Variants in SPAG17 observed in about 807,000 individuals in gnomAD.
The protein encoded by SPAG17 is sperm associated antigen 17, also known as sperm-associated antigen 17.
A neutral mutation model predicts 273.6 loss-of-function variants in SPAG17; 169 were observed. The ratio of observed to expected loss-of-function variants is 0.62; its 90% CI spans 0.55 to 0.70. The LOEUF (loss-of-function observed/expected upper bound fraction) is 0.70, where lower values mean the gene tolerates loss of function less well. Ranked by LOEUF, SPAG17 falls within the 30% of genes least tolerant of loss-of-function variation. SPAG17 has a pLI of 0.00. For missense variants in SPAG17, 2,557 were observed against 2,627.8 expected, an observed-to-expected ratio of 0.97 and a Z score of 0.59; for synonymous variants, 825 against 873.2, an observed-to-expected ratio of 0.94 and a Z score of 0.97.
intron 4 of SPAG17, 136 bp from the exon 5 acceptor site, chr1:118,102,062 T>A (rs1207226223): frequency 1.3e-6 from 1 of 766,994 alleles, no homozygotes. Flanking sequence ...ATTATATAAG[T>A]CAGCATAGTG....
Position 118,003,600 on chromosome 1 carries a change from C to T in SPAG17, c.4776+1814G>A, listed in dbSNP as rs145745893. ...ACTTATACCCTTTCTTCCACTTGATCAAATCAGCTATTGAAGCTTGTGCAT... is the reference window on the plus strand; with the variant it reads ...ACTTATACCCTTTCTTCCACTTGATTAAATCAGCTATTGAAGCTTGTGCAT... On this transcript the variant is annotated intron_variant, in intron 32 of 48. Transcript: ENST00000336338. Among the ~76,000 whole-genome samples, 147 of 152,260 alleles carry T rather than the reference C, an allele frequency of 9.7e-4. 2 individuals are homozygous for T. Among genetic ancestry groups the T allele is most frequent in the African/African-American group, 3.5e-3 (144 of 41,538 alleles).
chr1:117,954,488 AAAATTAT>A, intron 48 of SPAG17: 1 of 1,317,914 alleles, frequency 7.6e-7, no homozygotes, highest in South Asian at 1.3e-5. Flanking sequence ...TTCCCTTTTC[AAAATTAT>A]AAAATACAGT....
At chr1:118,048,169 C>G (rs1650581452) in intron 20 of SPAG17, among the ~76,000 whole-genome samples, 1 of 152,142 alleles carries the variant, frequency 6.6e-6, no homozygotes, top group Non-Finnish European at 1.5e-5. Flanking sequence ...CATGCCCATC[C>G]TTGTGGACCT....
chr1:118,122,438 C>T (rs143845774), intron 3 of SPAG17, among the ~76,000 whole-genome samples: 4 of 152,148 alleles, frequency 2.6e-5, no homozygotes, highest in East Asian at 1.9e-4. Flanking sequence ...AGTCTTCCCA[C>T]GTAACACTGC....
At chr1:118,134,945 C>T (rs1489958950) in intron 3 of SPAG17, among the ~76,000 whole-genome samples, 3 of 152,186 alleles carry the variant, frequency 2.0e-5, no homozygotes, top group East Asian at 3.9e-4. Context: ...AAGCATTGCT[C>T]GGTGCACTCA....
intron 1 of SPAG17, among the ~76,000 whole-genome samples, chr1:118,158,816 AT>A (rs1167094622): frequency 2.0e-5 from 3 of 152,208 alleles, no homozygotes; most frequent in Admixed American, 1.3e-4. Context: ...ATTTCTTCTA[AT>A]ATCTGCATTT....
At chr1:117,955,326 T>C (rs762909670) in intron 48 of SPAG17, 4 of 1,612,182 alleles carry the variant, frequency 2.5e-6, no homozygotes, top group South Asian at 1.1e-5. Context: ...CTTCAGCTTA[T>C]GTATTAGAGA....
At chr1:118,055,654 T>C in intron 19 of SPAG17, 79 bp downstream of exon 19, 1 of 1,201,706 alleles carries the variant, frequency 8.3e-7, no homozygotes. Context: ...ATTGAAAATA[T>C]TCACAGTCTT....
At chr1:118,000,290 T>C (rs908654042) in intron 32 of SPAG17, among the ~76,000 whole-genome samples, 1 of 152,226 alleles carries the variant, frequency 6.6e-6, no homozygotes, top group African/African-American at 2.4e-5. Flanking sequence ...TGCTTAGGAT[T>C]GTCTTGGCAA....
intron 18 of SPAG17, among the ~76,000 whole-genome samples, chr1:118,062,298 C>T (rs1394218291): frequency 1.5e-5 from 2 of 134,200 alleles, no homozygotes; most frequent in Admixed American, 8.3e-5. Context: ...ACCCGGGAGG[C>T]GGAGCTTGCA....
chr1:118,033,628 TC>T (rs1648737549), intron 24 of SPAG17, among the ~76,000 whole-genome samples: 1 of 152,170 alleles, frequency 6.6e-6, no homozygotes, highest in Non-Finnish European at 1.5e-5. Context: ...TCATGTCACC[TC>T]CCTTACTTAA....
At position 117,981,280 on chromosome 1, in the gene SPAG17, T is replaced by C. The variant is rs1274296047; in HGVS notation, c.5994A>G (p.Lys1998=). 6.4e-7 allele frequency: 1 copy of C among 1,567,786 alleles called. No individual in the cohort carries two copies. The highest frequency in any genetic ancestry group is 8.6e-7 in the Non-Finnish European group (1 of 1,167,052). Residue 1998 remains lysine, a synonymous_variant, in exon 43 of 49, where the codon AAA becomes AAG. Transcript: ENST00000336338. ...TAQNQTENLT[K]SPEEAESYEP... is the part of the protein sequence containing the mutation. ...AAAAGACTGCCATACCTTCAGGAGA[T>C]TTTGTTAAATTTTCAGTTTGGTTCT...
intron 4 of SPAG17, among the ~76,000 whole-genome samples, chr1:118,108,819 A>G (rs1397347776): frequency 1.3e-5 from 2 of 152,088 alleles, no homozygotes; most frequent in African/African-American, 4.8e-5. Context: ...AGCATATGTG[A>G]GATTCTTGTC....
chr1:118,023,185 T>C, intron 28 of SPAG17, 119 bp downstream of exon 28: 1 of 638,132 alleles, frequency 1.6e-6, no homozygotes, highest in East Asian at 3.1e-5. Flanking sequence ...TGTATAAGAA[T>C]ATATAAATAT....
intron 1 of SPAG17, among the ~76,000 whole-genome samples, chr1:118,154,681 C>G (rs1220597120): frequency 1.3e-5 from 2 of 151,930 alleles, no homozygotes; most frequent in Non-Finnish European, 2.9e-5. Context: ...CACCCATATC[C>G]TATCCCAACA....
chr1:118,155,580 A>G (rs946311262), intron 1 of SPAG17, among the ~76,000 whole-genome samples: 2 of 152,206 alleles, frequency 1.3e-5, no homozygotes, highest in Admixed American at 1.3e-4. Context: ...TGAGAGTCTC[A>G]CAGTCCTATA....
intron 46 of SPAG17, among the ~76,000 whole-genome samples, chr1:117,967,252 C>T (rs1281983355): frequency 2.0e-5 from 3 of 147,846 alleles, no homozygotes; most frequent in East Asian, 3.9e-4. Flanking sequence ...GAGCCGAGAT[C>T]GCGCCACTGC....
In SPAG17 at chr1:118,172,693, G is replaced by C. The variant is rs1457053899; in HGVS notation, c.87+12378C>G. ...TGAAGAACACATATGGGAACAAAAG[G>C]CCCATATTTTAATGAAAAAAATTTA... On this transcript the variant is annotated intron_variant, in intron 1 of 48. Transcript: ENST00000336338. Among the ~76,000 whole-genome samples, 3 of 151,984 alleles carry C rather than the reference G, an allele frequency of 2.0e-5. No individual in the cohort carries two copies. The East Asian group carries it at 5.8e-4, about 29-fold the overall frequency.
intron 3 of SPAG17, among the ~76,000 whole-genome samples, chr1:118,118,817 T>C (rs1657251712): frequency 6.6e-6 from 1 of 152,234 alleles, no homozygotes; most frequent in African/African-American, 2.4e-5. Flanking sequence ...GCTATTTTTC[T>C]GTTAGGGAGC....
Sources: gnomAD v4.1 joint callset for allele counts (sites outside exome capture counted in the v4.1 genomes callset) on GRCh38, gnomAD v4.1.1 for gene constraint, MANE v1.5 for transcripts, NCBI Gene and HGNC (gene_info 2026-07-23, HGNC 2026-07-21) for gene names.